Variants in PDGFD observed in about 807,000 individuals in gnomAD.
PDGFD encodes platelet derived growth factor D, also known as platelet-derived growth factor D.
PDGFD carries 30 observed loss-of-function variants against 44.7 expected under a neutral mutation model. That is an observed-to-expected ratio of 0.67 (90% CI 0.50 to 0.91). The LOEUF is 0.91. Ranked by LOEUF, PDGFD falls within the 40% of genes least tolerant of loss-of-function variation. The pLI is 0.00. For synonymous variants in PDGFD, 173 were observed against 168.4 expected (o/e 1.03, Z -0.21); for missense variants, 445 against 457.8 (o/e 0.97, Z 0.25).
At chr11:104,077,313 G>C (rs1262945640) in intron 1 of PDGFD, among the ~76,000 whole-genome samples, 2 of 152,200 alleles carry the variant, frequency 1.3e-5, no homozygotes, top group African/African-American at 4.8e-5. Flanking sequence ...AACCAGGGTA[G>C]AGATGAAGAA....
intron 3 of PDGFD, among the ~76,000 whole-genome samples, chr11:103,951,723 C>T (rs946633916): frequency 7.9e-5 from 12 of 152,146 alleles, no homozygotes; most frequent in African/African-American, 2.9e-4. Context: ...ATGGCTGGCT[C>T]CTCATCATTT....
At chr11:104,061,243 A>C (rs1325788667) in intron 1 of PDGFD, among the ~76,000 whole-genome samples, 1 of 152,212 alleles carries the variant, frequency 6.6e-6, no homozygotes, top group Non-Finnish European at 1.5e-5. Flanking sequence ...AATAATTCTT[A>C]GCCATGACAT....
intron 5 of PDGFD, among the ~76,000 whole-genome samples, chr11:103,939,375 G>A (rs911325918): frequency 2.6e-5 from 4 of 152,054 alleles, no homozygotes; most frequent in East Asian, 3.9e-4. Flanking sequence ...TTGGTGTATA[G>A]GAATGCTTGT....
At chr11:103,955,160 T>G (rs1858820597) in intron 3 of PDGFD, among the ~76,000 whole-genome samples, 1 of 55,520 alleles carries the variant, frequency 1.8e-5, no homozygotes, top group Non-Finnish European at 3.3e-5. Flanking sequence ...CGAGACTCCG[T>G]CTCAAAAAAA....
At chr11:104,121,458 A>G (rs1433898576) in intron 1 of PDGFD, among the ~76,000 whole-genome samples, 1 of 152,094 alleles carries the variant, frequency 6.6e-6, no homozygotes, top group East Asian at 1.9e-4. Flanking sequence ...CAGTGATACT[A>G]AACTACCTTT....
rs528832908 is a variant in PDGFD, at chr11:103,975,643, CTT to C, written c.510+20420_510+20421del. Among the ~76,000 whole-genome samples, 52 of 152,234 alleles carry C rather than the reference CTT, an allele frequency of 3.4e-4. 1 individual carries two copies. The highest frequency in any genetic ancestry group is 3.3e-3 in the South Asian group (16 of 4,830). On this transcript the variant is annotated intron_variant, in intron 3 of 6. Coordinates refer to ENST00000393158, the MANE Select transcript of PDGFD (RefSeq NM_025208.5). ...TTAGGTTTTAGGTTTATGTTTAAGTCTTTAACCCATCTTGAGTTAATTTTGTA... is the reference window on the plus strand; with the variant it reads ...TTAGGTTTTAGGTTTATGTTTAAGTCTAACCCATCTTGAGTTAATTTTGTA...
At chr11:104,029,960 A>T (rs1860099481) in intron 1 of PDGFD, among the ~76,000 whole-genome samples, 1 of 152,174 alleles carries the variant, frequency 6.6e-6, no homozygotes, top group South Asian at 2.1e-4. Flanking sequence ...CAAAAATCTT[A>T]AACGTTTTGA....
At chr11:103,989,643 G>A (rs796543304) in intron 3 of PDGFD, among the ~76,000 whole-genome samples, 1 of 152,156 alleles carries the variant, frequency 6.6e-6, no homozygotes, top group African/African-American at 2.4e-5. Context: ...TAAGCAAATG[G>A]TAATGGGTGA....
chr11:104,038,169 T>C (rs1860286030), intron 1 of PDGFD: 4 of 743,508 alleles, frequency 5.4e-6, no homozygotes, highest in African/African-American at 1.8e-5. Flanking sequence ...ACGTCAATCC[T>C]GATTCCTTGG....
intron 1 of PDGFD, among the ~76,000 whole-genome samples, chr11:104,053,210 T>C (rs1036560726): frequency 6.6e-6 from 1 of 152,152 alleles, no homozygotes; most frequent in African/African-American, 2.4e-5. Context: ...CCTTTTTATA[T>C]CACAAGAGTT....
In PDGFD at chr11:104,162,778, C is replaced by T. The variant is rs1591193630; in HGVS notation, c.124+1026G>A. 4.6e-5 allele frequency among the ~76,000 whole-genome samples: 7 copies of T among 152,220 alleles called. No individual in the cohort carries two copies. In the South Asian group the frequency reaches 1.5e-3, roughly 32 times the overall value. On this transcript the variant is annotated intron_variant, in intron 1 of 6. Coordinates refer to ENST00000393158, the MANE Select transcript of PDGFD (RefSeq NM_025208.5). ...TACCAAGACAGTCAAATACTGTCAG[C>T]TGAAACTGTGAAGCCATCAACAATT...
chr11:103,941,135 T>G (rs1032053506), intron 5 of PDGFD, among the ~76,000 whole-genome samples: 2 of 152,066 alleles, frequency 1.3e-5, no homozygotes, highest in Non-Finnish European at 2.9e-5. Flanking sequence ...AGGATCACTC[T>G]CCTAGGAACC....
intron 3 of PDGFD, among the ~76,000 whole-genome samples, chr11:103,949,540 G>C (rs770708755): frequency 3.3e-5 from 5 of 152,156 alleles, no homozygotes; most frequent in Non-Finnish European, 4.4e-5. Flanking sequence ...TATTGGTGGA[G>C]GACATATGCC....
At chr11:103,914,098 G>A (rs921092476) in intron 6 of PDGFD, among the ~76,000 whole-genome samples, 5 of 152,184 alleles carry the variant, frequency 3.3e-5, no homozygotes, top group South Asian at 2.1e-4. Context: ...AAGAGATAGC[G>A]AGAGGGTGAG....
At chr11:104,033,262 T>C (rs1341884989) in intron 1 of PDGFD, among the ~76,000 whole-genome samples, 1 of 152,034 alleles carries the variant, frequency 6.6e-6, no homozygotes, top group Non-Finnish European at 1.5e-5. Flanking sequence ...GAGGCTGTGT[T>C]TACCTTTACA....
At chr11:104,053,864 T>G (rs1860579708) in intron 1 of PDGFD, among the ~76,000 whole-genome samples, 1 of 152,158 alleles carries the variant, frequency 6.6e-6, no homozygotes, top group South Asian at 2.1e-4. Context: ...TTCAGGCCAG[T>G]GTTGGTTATG....
rs377722057 is a variant in PDGFD at position 104,103,448 on chromosome 11, A to ATGTGTGTG, written c.124+60348_124+60355dup. Among the ~76,000 whole-genome samples, 653 of 123,106 alleles carry ATGTGTGTG rather than the reference A, an allele frequency of 5.3e-3. 4 individuals carry two copies. Among genetic ancestry groups the ATGTGTGTG allele is most frequent in the African/African-American group, 0.015 (476 of 32,322 alleles). The allele number at this position is 123,106 out of a possible 152,430, so 80.8% of individuals were successfully genotyped here. A position where few individuals can be genotyped will look rare whatever the true frequency, so the allele number is the denominator to read the frequency against. On this transcript the variant is annotated intron_variant, in intron 1 of 6. Transcript: ENST00000393158. The stretch of plus-strand genomic sequence containing the variant: ...AATATTCAAATAAAAACAGACAATT[A>ATGTGTGTG]TGTGTGTGTGTGTGTATATATATAT...
intron 1 of PDGFD, chr11:104,037,756 G>A: frequency 6.2e-7 from 1 of 1,614,118 alleles, no homozygotes; most frequent in Non-Finnish European, 8.5e-7. Context: ...AATTGAAGGT[G>A]ATTTCTTACA....
At chr11:104,115,552 C>T (rs1040660375) in intron 1 of PDGFD, among the ~76,000 whole-genome samples, 6 of 151,698 alleles carry the variant, frequency 4.0e-5, no homozygotes, top group Non-Finnish European at 7.4e-5. Flanking sequence ...TGTAGATACC[C>T]AGTAGTGGGA....
Sources: gnomAD v4.1 joint callset for allele counts (sites outside exome capture counted in the v4.1 genomes callset) on GRCh38, gnomAD v4.1.1 for gene constraint, MANE v1.5 for transcripts, NCBI Gene and HGNC (gene_info 2026-07-23, HGNC 2026-07-21) for gene names.